The following C8orf34 variants were observed in gnomAD, a reference collection of about 807,000 sequenced individuals.
C8orf34 encodes chromosome 8 open reading frame 34.
C8orf34 carries 65 observed loss-of-function variants against 68.3 expected under a neutral mutation model. The observed-to-expected ratio is 0.95, with a 90% confidence interval of 0.78 to 1.17. The LOEUF (loss-of-function observed/expected upper bound fraction) is 1.17, where lower values mean the gene tolerates loss of function less well. Among genes scored for constraint, C8orf34 ranks in the 50% most tolerant of loss-of-function variants. The pLI, the probability that C8orf34 is intolerant of heterozygous loss-of-function variation, is 0.00. For synonymous variants in C8orf34, 244 were observed against 241.2 expected (o/e 1.01, Z -0.11); for missense variants, 664 against 655.4 (o/e 1.01, Z -0.14).
chr8:68,608,396 A>C (rs1475942597), intron 7 of C8orf34, among the ~76,000 whole-genome samples: 1 of 152,016 alleles, frequency 6.6e-6, no homozygotes, highest in African/African-American at 2.4e-5. Flanking sequence ...AGCTATGGGG[A>C]GAGGGTTAAA....
rs555551363 is a variant in C8orf34, at chr8:68,368,346, G to A, written c.327+37007G>A. ...AGAAATGGCAGTTTTGTTTCTTTCT[G>A]TCTAGTTGCTATAGCTTTTATTTCC... On this transcript the variant is annotated intron_variant, in intron 1 of 13. Coordinates refer to ENST00000518698, the MANE Select transcript of C8orf34 (RefSeq NM_052958.4). 5.3e-5 allele frequency among the ~76,000 whole-genome samples: 8 copies of A among 152,182 alleles called. No individual in the cohort carries two copies. In the South Asian group the frequency reaches 1.2e-3, roughly 24 times the overall value.
chr8:68,415,235 C>A (rs1309093124), intron 1 of C8orf34, among the ~76,000 whole-genome samples: 1 of 152,220 alleles, frequency 6.6e-6, no homozygotes, highest in East Asian at 1.9e-4. Context: ...AATCCCAGCA[C>A]TTTGGGAGGC....
chr8:68,767,994 T>C (rs568710328), intron 10 of C8orf34, among the ~76,000 whole-genome samples: 2 of 152,348 alleles, frequency 1.3e-5, no homozygotes, highest in East Asian at 3.9e-4. Context: ...ACAGTTCTGA[T>C]AGGAAAGTAG....
intron 7 of C8orf34, among the ~76,000 whole-genome samples, chr8:68,570,721 G>A (rs1020187402): frequency 1.3e-5 from 2 of 152,158 alleles, no homozygotes; most frequent in Non-Finnish European, 2.9e-5. Flanking sequence ...CATCATCTGG[G>A]AGCTTGCAAG....
intron 1 of C8orf34, among the ~76,000 whole-genome samples, chr8:68,367,912 G>GAAAAAAAAAAAATAAAAAAAAAAAAAAA: frequency 1.3e-5 from 1 of 79,116 alleles, no homozygotes; most frequent in Non-Finnish European, 2.3e-5. Flanking sequence ...AAAAAGAAAA[G>GAAAAAAAAAAAATAAAAAAAAAAAAAAA]AAAAAAAAAA....
At chr8:68,770,955 G>A (rs1823319865) in intron 10 of C8orf34, among the ~76,000 whole-genome samples, 1 of 152,100 alleles carries the variant, frequency 6.6e-6, no homozygotes, top group Non-Finnish European at 1.5e-5. Flanking sequence ...CCTTAGCAAT[G>A]CTAAATTTAT....
chr8:68,652,849 T>G (rs1819403014), intron 8 of C8orf34, among the ~76,000 whole-genome samples: 1 of 152,300 alleles, frequency 6.6e-6, no homozygotes, highest in Admixed American at 6.5e-5. Context: ...TAAAATCTGC[T>G]TATTAGGGTG....
intron 9 of C8orf34, among the ~76,000 whole-genome samples, chr8:68,714,690 C>G (rs1055393176): frequency 2.7e-4 from 41 of 152,078 alleles, no homozygotes; most frequent in African/African-American, 8.9e-4. Flanking sequence ...GTGAGAATGA[C>G]CACACTGCCA....
chr8:68,417,840 G>A (rs1809745396), intron 1 of C8orf34, among the ~76,000 whole-genome samples: 1 of 151,906 alleles, frequency 6.6e-6, no homozygotes, highest in South Asian at 2.1e-4. Flanking sequence ...GAAAGTCATT[G>A]GTAGCTTGAT....
In C8orf34 at chr8:68,468,790, C is replaced by G; in HGVS notation, c.706C>G (p.Leu236Val). Residue 236 changes from leucine to valine, a missense_variant, in exon 4 of 14, where the codon CTG (leucine) becomes GTG (valine). By Grantham distance (32) the Leu-to-Val change is conservative. Coordinates refer to ENST00000518698, the MANE Select transcript of C8orf34 (RefSeq NM_052958.4). ...TCACATCCTTCAGGAGAGCAAGAAGCTGGGGAAAGCCCTTGAGAATCTCTC... is the reference window on the plus strand; with the variant it reads ...TCACATCCTTCAGGAGAGCAAGAAGGTGGGGAAAGCCCTTGAGAATCTCTC... ...LNHILQESKK[L>V]GKALENLSRS... 6.2e-7 allele frequency: 1 copy of G among 1,611,728 alleles called. No individual in the cohort carries two copies.
intron 10 of C8orf34, 81 bp from the exon 11 acceptor site, chr8:68,776,318 A>T (rs1823516103): frequency 1.9e-6 from 2 of 1,044,182 alleles, no homozygotes; most frequent in Admixed American, 3.7e-5. Flanking sequence ...TGTTGCTCTC[A>T]GATCCCACTC....
intron 1 of C8orf34, among the ~76,000 whole-genome samples, chr8:68,387,173 A>G (rs987019848): frequency 6.6e-6 from 1 of 152,048 alleles, no homozygotes; most frequent in Admixed American, 6.6e-5. Flanking sequence ...TATTCTGCAC[A>G]TGGACCGACT....
chr8:68,766,838 A>C (rs1286846126), intron 10 of C8orf34, among the ~76,000 whole-genome samples: 4 of 152,322 alleles, frequency 2.6e-5, no homozygotes, highest in South Asian at 4.1e-4. Context: ...CACTCAAATA[A>C]AATGTATGGG....
chr8:68,342,605 A>G (rs1806118135), intron 1 of C8orf34, among the ~76,000 whole-genome samples: 1 of 152,194 alleles, frequency 6.6e-6, no homozygotes, highest in African/African-American at 2.4e-5. Context: ...ATTGCATATC[A>G]TTCTGAGTAG....
chr8:68,537,172 G>A (rs1815513107), intron 7 of C8orf34, among the ~76,000 whole-genome samples: 1 of 152,066 alleles, frequency 6.6e-6, no homozygotes, highest in Admixed American at 6.6e-5. Flanking sequence ...AGAAATGAAT[G>A]CTGTCACTGA....
intron 7 of C8orf34, among the ~76,000 whole-genome samples, chr8:68,605,572 G>A (rs999225510): frequency 3.9e-5 from 6 of 152,188 alleles, no homozygotes; most frequent in South Asian, 2.1e-4. Flanking sequence ...GAGAGGCAGC[G>A]AAGAGGAGGA....
chr8:68,710,452 C>T (rs1484620121), intron 9 of C8orf34, among the ~76,000 whole-genome samples: 1 of 152,036 alleles, frequency 6.6e-6, no homozygotes, highest in Non-Finnish European at 1.5e-5. Context: ...GGTGGGTGTA[C>T]CAGCCTTTAG....
chr8:68,416,148 GGAA>G (rs1809656553), intron 1 of C8orf34, among the ~76,000 whole-genome samples: 1 of 152,098 alleles, frequency 6.6e-6, no homozygotes, highest in African/African-American at 2.4e-5. Flanking sequence ...GGTTCTACTA[GGAA>G]GAAGAACAAT....
At chr8:68,704,242 T>C (rs1053882364) in intron 8 of C8orf34, among the ~76,000 whole-genome samples, 9 of 152,118 alleles carry the variant, frequency 5.9e-5, no homozygotes, top group Non-Finnish European at 7.4e-5. Flanking sequence ...GTGCTAAGAC[T>C]TTTGGAAGAA....
Sources: allele counts gnomAD v4.1 joint callset (sites outside exome capture counted in the v4.1 genomes callset), GRCh38; gene constraint gnomAD v4.1.1; transcripts MANE v1.5; gene names NCBI Gene and HGNC (gene_info 2026-07-23, HGNC 2026-07-21).